The following SMIM31 variants were observed in gnomAD, a reference collection of about 807,000 sequenced individuals.
SMIM31 encodes the protein small integral membrane protein 31.
At chr4:164,774,747 C>A (rs1732858392) in intron 2 of SMIM31, among the ~76,000 whole-genome samples, 1 of 152,098 alleles carries the variant, frequency 6.6e-6, no homozygotes, top group Non-Finnish European at 1.5e-5. Flanking sequence ...ATTTTATTTT[C>A]ATTATTTTTA....
At position 164,801,642 on chromosome 4, in the gene SMIM31, G is replaced by GT. The variant is rs1733285853; in HGVS notation, c.*449dup. On this transcript the variant is annotated 3_prime_UTR_variant, in exon 3 of 3. Coordinates refer to ENST00000507311, the MANE Select transcript of SMIM31 (RefSeq NM_001352885.1). ...TATAAGTAACTGTGTTATTGCTTCC[G>GT]TATCTGAAATAGGTGAAAGAGGGAA... 1 of 152,300 alleles carries GT rather than the reference G, an allele frequency of 6.6e-6. No individual in the cohort carries two copies. The highest frequency in any genetic ancestry group is 1.5e-5 in the Non-Finnish European group (1 of 68,216). 9.4% of individuals were successfully genotyped at this position (152,300 alleles called of 1,614,324 possible).
At chr4:164,757,866 G>T (rs1231362580) in intron 1 of SMIM31, among the ~76,000 whole-genome samples, 1 of 152,000 alleles carries the variant, frequency 6.6e-6, no homozygotes, top group African/African-American at 2.4e-5. Flanking sequence ...CTCCTACTTT[G>T]TTCTTTCTCA....
chr4:164,758,695 G>A (rs1336869036), intron 1 of SMIM31, among the ~76,000 whole-genome samples: 12 of 130,170 alleles, frequency 9.2e-5, no homozygotes, highest in Non-Finnish European at 1.4e-4. Context: ...CTGCAGTGAC[G>A]TGATCTCGGC....
intron 1 of SMIM31, among the ~76,000 whole-genome samples, chr4:164,769,587 G>A (rs1412799329): frequency 1.7e-5 from 2 of 117,296 alleles, no homozygotes; most frequent in African/African-American, 3.3e-5. Flanking sequence ...ACACACCGGG[G>A]CCTGTTGTGG....
At position 164,801,391 on chromosome 4, in the gene SMIM31, A is replaced by G. The variant is rs942610668; in HGVS notation, c.*197A>G. 5.4e-6 allele frequency: 2 copies of G among 369,984 alleles called. No homozygotes were observed. Among genetic ancestry groups the G allele is most frequent in the Non-Finnish European group, 9.6e-6 (2 of 208,708 alleles). The allele number at this position is 369,984 out of a possible 1,614,324, so 22.9% of individuals were successfully genotyped here. A position where few individuals can be genotyped will look rare whatever the true frequency, so the allele number is the denominator to read the frequency against. On this transcript the variant is annotated 3_prime_UTR_variant, in exon 3 of 3. Transcript: ENST00000507311. ...TTTCTGGGACTCAGCATTATCCAAA[A>G]TATCTATTAAGAGCCATACACCATT...
At chr4:164,790,081 G>C (rs6536852) in intron 2 of SMIM31, among the ~76,000 whole-genome samples, 2 of 151,952 alleles carry the variant, frequency 1.3e-5, no homozygotes, top group Admixed American at 6.6e-5. Flanking sequence ...AGATAAGCAA[G>C]GAACACATGA....
chr4:164,788,545 A>C (rs1348823607), intron 2 of SMIM31, among the ~76,000 whole-genome samples: 2 of 120,378 alleles, frequency 1.7e-5, no homozygotes, highest in African/African-American at 6.7e-5. Flanking sequence ...ACTGGAGTGC[A>C]ATGGCGCAAT....
Position 164,792,855 on chromosome 4 carries a change from TC to T in SMIM31, c.113-8234del, listed in dbSNP as rs575081195. Among the ~76,000 whole-genome samples the T allele has an allele frequency of 2.8e-3, 433 of 152,278 alleles. 2 individuals are homozygous for T. Among genetic ancestry groups the T allele is most frequent in the South Asian group, 0.016 (76 of 4,830 alleles). On this transcript the variant is annotated intron_variant, in intron 2 of 2. Transcript: ENST00000507311. ...AGAGCAAAGTTGGAAGACTCATATTTCCTGATTTCAAAACATTACAAAGCCA... is the reference window on the plus strand; with the variant it reads ...AGAGCAAAGTTGGAAGACTCATATTTCTGATTTCAAAACATTACAAAGCCA...
In SMIM31 at chr4:164,803,234, A is replaced by G. The variant is rs959534849; in HGVS notation, c.*2040A>G. The G allele has an allele frequency of 6.6e-6, 1 of 152,104 alleles. No homozygotes were observed. The highest frequency in any genetic ancestry group is 2.4e-5 in the African/African-American group (1 of 41,420). The allele number at this position is 152,104 out of a possible 1,614,324, so 9.4% of individuals were successfully genotyped here. ...TTCACTCCCTTAGCCCATCTTACAT[A>G]TATTACTGCATTGACTGGAAATGGG... On this transcript the variant is annotated 3_prime_UTR_variant, in exon 3 of 3. Transcript: ENST00000507311.
chr4:164,791,810 A>C (rs35774184), intron 2 of SMIM31, among the ~76,000 whole-genome samples: 5 of 151,940 alleles, frequency 3.3e-5, no homozygotes, highest in Admixed American at 6.6e-5. Flanking sequence ...AATGGTGTAC[A>C]TGGTACCCAA....
chr4:164,756,292 C>T (rs1454749857), intron 1 of SMIM31, among the ~76,000 whole-genome samples: 4 of 151,978 alleles, frequency 2.6e-5, no homozygotes, highest in East Asian at 1.9e-4. Flanking sequence ...AATAATAGGC[C>T]GGGTGCGGTG....
chr4:164,802,060 C>A lies in SMIM31; in HGVS notation c.*866C>A, dbSNP rs958598158. On this transcript the variant is annotated 3_prime_UTR_variant, in exon 3 of 3. Coordinates refer to ENST00000507311, the MANE Select transcript of SMIM31 (RefSeq NM_001352885.1). ...CATCCTAGCTAACACAGTGAAACCCCGTCTCTACTAAAAATACAAAAAATT... is the reference window on the plus strand; with the variant it reads ...CATCCTAGCTAACACAGTGAAACCCAGTCTCTACTAAAAATACAAAAAATT... 1 of 151,988 alleles carries A rather than the reference C, an allele frequency of 6.6e-6. No individual in the cohort carries two copies. Among genetic ancestry groups the A allele is most frequent in the Non-Finnish European group, 1.5e-5 (1 of 68,112 alleles). The allele number at this position is 151,988 out of a possible 1,614,324, so 9.4% of individuals were successfully genotyped here. A position where few individuals can be genotyped will look rare whatever the true frequency, so the allele number is the denominator to read the frequency against.
chr4:164,786,849 T>TA (rs1271254343), intron 2 of SMIM31, among the ~76,000 whole-genome samples: 4 of 152,202 alleles, frequency 2.6e-5, no homozygotes, highest in African/African-American at 9.6e-5. Context: ...ATTTTAAACA[T>TA]AAATGGGTAG....
chr4:164,770,914 C>A (rs1204919931), intron 2 of SMIM31, among the ~76,000 whole-genome samples: 1 of 151,990 alleles, frequency 6.6e-6, no homozygotes, highest in African/African-American at 2.4e-5. Flanking sequence ...ACATGGTAAC[C>A]ATAGTTACCA....
intron 2 of SMIM31, among the ~76,000 whole-genome samples, chr4:164,783,151 G>C (rs1732979663): frequency 6.7e-6 from 1 of 149,712 alleles, no homozygotes; most frequent in Non-Finnish European, 1.5e-5. Flanking sequence ...CCGGGAGGTG[G>C]AGGTTGTGGT....
intron 2 of SMIM31, among the ~76,000 whole-genome samples, chr4:164,775,087 G>A (rs1380195685): frequency 6.6e-6 from 1 of 152,184 alleles, no homozygotes; most frequent in Admixed American, 6.5e-5. Flanking sequence ...TGAGCTCTGT[G>A]CTTCTGGAAA....
intron 2 of SMIM31, among the ~76,000 whole-genome samples, chr4:164,788,882 G>A (rs1411780023): frequency 3.9e-5 from 6 of 151,974 alleles, no homozygotes; most frequent in Non-Finnish European, 4.4e-5. Flanking sequence ...ATTTTCAAAT[G>A]GCAATCTTTG....
chr4:164,801,109 A>C lies in SMIM31; in HGVS notation c.131A>C (p.Lys44Thr), dbSNP rs1036373944. Residue 44 changes from lysine to threonine, a missense_variant, in exon 3 of 3, where the codon AAG becomes ACG. By Grantham distance (78) the Lys-to-Thr change is moderately conservative. Transcript: ENST00000507311. ...ATTGCAGAGGAAGAACATGAAAAAAAGGGAAGGGAAAAGAAAAGGAAAAAG... is the reference window on the plus strand; with the variant it reads ...ATTGCAGAGGAAGAACATGAAAAAACGGGAAGGGAAAAGAAAAGGAAAAAG... ...DSNEEEEHEK[K>T]GREKKRKKSE... 7.5e-6 allele frequency: 3 copies of C among 398,860 alleles called. No individual in the cohort carries two copies. Among genetic ancestry groups the C allele is most frequent in the Admixed American group, 8.8e-5 (2 of 22,708 alleles). 24.7% of individuals were successfully genotyped at this position (398,860 alleles called of 1,614,324 possible). A position where few individuals can be genotyped will look rare whatever the true frequency, so the allele number is the denominator to read the frequency against.
intron 2 of SMIM31, among the ~76,000 whole-genome samples, chr4:164,796,964 C>T (rs888929700): frequency 9.2e-5 from 14 of 152,162 alleles, no homozygotes; most frequent in East Asian, 5.8e-4. Context: ...TCTTCTTTTC[C>T]GTATCTGTCT....
Sources: gnomAD v4.1 joint callset for allele counts (sites outside exome capture counted in the v4.1 genomes callset) on GRCh38, gnomAD v4.1.1 for gene constraint, MANE v1.5 for transcripts, NCBI Gene and HGNC (gene_info 2026-07-23, HGNC 2026-07-21) for gene names.